MYO5C: variants seen among roughly 807,000 people sequenced by gnomAD.
MYO5C encodes the protein myosin VC.
MYO5C carries 194 observed loss-of-function variants against 235.7 expected under a neutral mutation model. The observed-to-expected ratio is 0.82, with a 90% CI of 0.73 to 0.93. The LOEUF is 0.93. Ranked by LOEUF, MYO5C falls within the 40% of genes least tolerant of loss-of-function variation. The pLI is 0.00. For missense variants in MYO5C, 2,038 were observed against 2,127.2 expected (o/e 0.96, Z 0.82); for synonymous variants, 707 against 754.8 (o/e 0.94, Z 1.04).
chr15:52,277,209 A>C (rs2037070745), intron 4 of MYO5C: 1 of 530,780 alleles, frequency 1.9e-6, no homozygotes, highest in Non-Finnish European at 3.9e-6. Flanking sequence ...GTCTAGCATC[A>C]AACAAGGCCA....
chr15:52,214,795 A>G (rs1316014395), intron 32 of MYO5C, 105 bp from the exon 33 acceptor site: 2 of 628,912 alleles, frequency 3.2e-6, no homozygotes, highest in Non-Finnish European at 5.3e-6. Flanking sequence ...ATACCGTACA[A>G]CTCACCCATT....
intron 32 of MYO5C, among the ~76,000 whole-genome samples, chr15:52,216,796 G>A (rs538533418): frequency 1.3e-5 from 2 of 152,282 alleles, no homozygotes; most frequent in African/African-American, 4.8e-5. Flanking sequence ...AGTATGAGAG[G>A]TGGCTACTAC....
At chr15:52,208,522 C>T (rs767090061) in intron 36 of MYO5C, 32 bp downstream of exon 36, 1 of 1,604,080 alleles carries the variant, frequency 6.2e-7, no homozygotes, top group Admixed American at 1.7e-5. Context: ...TGGCTGTCAG[C>T]ACAAAACAAC....
rs564280590 is a variant in MYO5C, at chr15:52,290,143, C to T, written c.27+5467G>A. On this transcript the variant is annotated intron_variant, in intron 1 of 40. Coordinates refer to ENST00000261839, the MANE Select transcript of MYO5C (RefSeq NM_018728.4). ...CCCATCTCCCCCACTGGCATTTGAA[C>T]TTTAAGAGCCTGGTCTTTGTGCTTG... Among the ~76,000 whole-genome samples the T allele has an allele frequency of 1.5e-3, 230 of 152,246 alleles. 3 individuals are homozygous for T. Among genetic ancestry groups the T allele is most frequent in the African/African-American group, 5.2e-3 (216 of 41,542 alleles).
At chr15:52,293,465 C>T (rs1157838169) in intron 1 of MYO5C, among the ~76,000 whole-genome samples, 1 of 152,164 alleles carries the variant, frequency 6.6e-6, no homozygotes, top group Non-Finnish European at 1.5e-5. Context: ...GGCACCTTCC[C>T]TTGGAAGCCC....
intron 6 of MYO5C, 131 bp downstream of exon 6, chr15:52,272,449 A>G: frequency 2.4e-6 from 2 of 849,152 alleles, no homozygotes; most frequent in Non-Finnish European, 3.6e-6. Context: ...AAGAATCCAA[A>G]CTGCAAATGA....
In MYO5C at chr15:52,196,495, G is replaced by A. The variant is rs1178190113; in HGVS notation, c.4821-12C>T. 6.2e-7 allele frequency: 1 copy of A among 1,609,898 alleles called. No individual in the cohort carries two copies. Among genetic ancestry groups the A allele is most frequent in the Non-Finnish European group, 8.5e-7 (1 of 1,178,062 alleles). Reference sequence around the variant, plus strand: ...AGCTGATATTGCACCTGGAGGGAAAGGCAGAAGAACAGAGAATACTTTAGG... The same window carrying A: ...AGCTGATATTGCACCTGGAGGGAAAAGCAGAAGAACAGAGAATACTTTAGG... On this transcript the variant is annotated splice_polypyrimidine_tract_variant and intron_variant, in intron 38 of 40. Coordinates refer to ENST00000261839, the MANE Select transcript of MYO5C (RefSeq NM_018728.4).
intron 39 of MYO5C, 113 bp downstream of exon 39, chr15:52,196,196 C>G (rs1190634112): frequency 1.0e-6 from 1 of 1,002,430 alleles, no homozygotes; most frequent in Non-Finnish European, 1.4e-6. Flanking sequence ...GGTATGCTCC[C>G]GAGAGTACAC....
chr15:52,217,563 G>A (rs1214932700), intron 32 of MYO5C, among the ~76,000 whole-genome samples: 3 of 152,228 alleles, frequency 2.0e-5, no homozygotes, highest in South Asian at 4.1e-4. Context: ...GTTGTAACAC[G>A]AGGATTCCAG....
chr15:52,195,950 C>T (rs986741353), intron 39 of MYO5C, among the ~76,000 whole-genome samples: 1 of 146,294 alleles, frequency 6.8e-6, no homozygotes, highest in Admixed American at 7.0e-5. Context: ...AGGTGTGTGC[C>T]ATCACACCCA....
At chr15:52,268,391 T>C (rs2140838606) in intron 8 of MYO5C, among the ~76,000 whole-genome samples, 1 of 152,210 alleles carries the variant, frequency 6.6e-6, no homozygotes, top group East Asian at 1.9e-4. Flanking sequence ...GGTGAAACCC[T>C]GTATCTACTA....
At chr15:52,212,053 A>C (rs942456139) in intron 34 of MYO5C, among the ~76,000 whole-genome samples, 169 bp from the exon 35 acceptor site, 2 of 152,232 alleles carry the variant, frequency 1.3e-5, no homozygotes, top group East Asian at 3.8e-4. Flanking sequence ...CTTTCTTGGC[A>C]CAAGATACAC....
At chr15:52,238,143 G>C (rs1261617480) in intron 21 of MYO5C, among the ~76,000 whole-genome samples, 1 of 152,154 alleles carries the variant, frequency 6.6e-6, no homozygotes, top group African/African-American at 2.4e-5. Context: ...CCATCTACAA[G>C]CTAAGGAGAG....
intron 1 of MYO5C, among the ~76,000 whole-genome samples, chr15:52,287,642 T>C (rs866916532): frequency 2.0e-5 from 3 of 152,162 alleles, no homozygotes; most frequent in Non-Finnish European, 4.4e-5. Context: ...CTCCAAGTTG[T>C]TTGTCAAACT....
At chr15:52,283,939 T>TC (rs1159528208) in intron 1 of MYO5C, among the ~76,000 whole-genome samples, 1 of 151,986 alleles carries the variant, frequency 6.6e-6, no homozygotes, top group Non-Finnish European at 1.5e-5. Flanking sequence ...CCTCCCAAAG[T>TC]ACTGGGATTA....
intron 36 of MYO5C, among the ~76,000 whole-genome samples, 195 bp downstream of exon 36, chr15:52,208,359 G>A (rs1198152872): frequency 6.6e-6 from 1 of 152,188 alleles, no homozygotes; most frequent in East Asian, 1.9e-4. Flanking sequence ...TGGAGACCTA[G>A]GAGGCCTAGT....
At position 52,251,425 on chromosome 15, in the gene MYO5C, T is replaced by C. The variant is rs144614142; in HGVS notation, c.1627A>G (p.Asn543Asp). The change falls in exon 13 of 41, where the codon AAC becomes GAC. Residue 543 changes from asparagine (N) to aspartate (D), a missense_variant. Coordinates refer to ENST00000261839, the MANE Select transcript of MYO5C (RefSeq NM_018728.4). Reference protein sequence around the residue: ...NPLFEKPRMSNTSFVIQHFAD... With the variant: ...NPLFEKPRMSDTSFVIQHFAD... The stretch of plus-strand genomic sequence containing the variant: ...AAGTGCTGGATGACAAAGGATGTGT[T>C]TGACATTCTAGGCTTTTCAAACAAA... 1.2e-5 allele frequency: 20 copies of C among 1,602,436 alleles called. No individual in the cohort carries two copies. The African/African-American group carries it at 2.4e-4, about 19-fold the overall frequency.
rs537468401 is a variant in MYO5C at position 52,224,463 on chromosome 15, G to T, written c.3446+438C>A. ...CAGTCATAGTAAACACATCACTGTG[G>T]TTTGGGAAGTTGACAGTGGGGGAGG... On this transcript the variant is annotated intron_variant, in intron 28 of 40. Transcript: ENST00000261839. 1.2e-4 allele frequency among the ~76,000 whole-genome samples: 18 copies of T among 152,312 alleles called. No individual in the cohort carries two copies. The South Asian group carries it at 3.5e-3, about 30-fold the overall frequency.
chr15:52,237,682 T>C, intron 21 of MYO5C, 36 bp from the exon 22 acceptor site: 1 of 1,584,024 alleles, frequency 6.3e-7, no homozygotes, highest in Non-Finnish European at 8.5e-7. Flanking sequence ...TAGAGGTTAA[T>C]CCAAACAAAG....
Sources: gnomAD v4.1 joint callset for allele counts (sites outside exome capture counted in the v4.1 genomes callset) on GRCh38, gnomAD v4.1.1 for gene constraint, MANE v1.5 for transcripts, NCBI Gene and HGNC (gene_info 2026-07-23, HGNC 2026-07-21) for gene names.